The following HMBOX1 variants were observed in gnomAD, a reference collection of about 807,000 sequenced individuals.
HMBOX1 encodes the protein homeobox-containing protein 1.
A neutral mutation model predicts 54.5 loss-of-function variants in HMBOX1; 14 were observed. The ratio of observed to expected loss-of-function variants is 0.26; its 90% CI spans 0.17 to 0.40. The LOEUF is 0.40. HMBOX1 is among the 10% of genes least tolerant of loss of function. HMBOX1 has a pLI of 1.00. For missense variants in HMBOX1, 332 were observed against 514.4 expected, an observed-to-expected ratio of 0.65 and a Z score of 3.43; for synonymous variants, 160 against 181.0, an observed-to-expected ratio of 0.88 and a Z score of 0.93.
At chr8:29,047,601 CTT>C (rs1805780204) in intron 8 of HMBOX1, 148 bp downstream of exon 8, 6 of 499,650 alleles carry the variant, frequency 1.2e-5, no homozygotes, top group South Asian at 2.3e-5. Context: ...GAGTTTCACT[CTT>C]GTTGCCCAGG....
chr8:29,011,116 G>A (rs1834167391), intron 5 of HMBOX1, among the ~76,000 whole-genome samples: 1 of 152,188 alleles, frequency 6.6e-6, no homozygotes, highest in Admixed American at 6.5e-5. Context: ...AAATGGAATT[G>A]TATTTAGGGA....
rs540020822 is a variant in HMBOX1, at chr8:29,035,070, C to A, written c.852-10291C>A. 4.6e-5 allele frequency among the ~76,000 whole-genome samples: 7 copies of A among 152,218 alleles called. No homozygotes were observed. In the East Asian group the frequency reaches 1.4e-3, roughly 29 times the overall value. ...ATCAAGATAATCCCAGACCAGTGCA[C>A]CTCTGATTCTTAAAAGAATCTATGC... On this transcript the variant is annotated intron_variant, in intron 6 of 9. Transcript: ENST00000287701.
chr8:29,016,371 TA>T (rs1412543076), intron 5 of HMBOX1, among the ~76,000 whole-genome samples: 3 of 152,204 alleles, frequency 2.0e-5, no homozygotes, highest in Non-Finnish European at 4.4e-5. Context: ...GTGAAGTCTC[TA>T]TATTAAAGGG....
At chr8:28,929,581 G>A (rs556287166) in intron 1 of HMBOX1, among the ~76,000 whole-genome samples, 1 of 152,186 alleles carries the variant, frequency 6.6e-6, no homozygotes, top group Non-Finnish European at 1.5e-5. Flanking sequence ...CTTTTACAGT[G>A]TTCTTGGAGG....
At chr8:28,976,396 TTTGTTG>T (rs759293993) in intron 3 of HMBOX1, among the ~76,000 whole-genome samples, 1 of 152,076 alleles carries the variant, frequency 6.6e-6, no homozygotes, top group Non-Finnish European at 1.5e-5. Flanking sequence ...ATTGATGCTT[TTTGTTG>T]TTGTTGTTGT....
chr8:28,980,759 G>A (rs1422318810), intron 4 of HMBOX1, among the ~76,000 whole-genome samples: 1 of 152,036 alleles, frequency 6.6e-6, no homozygotes, highest in Non-Finnish European at 1.5e-5. Context: ...TTTGGGGGCA[G>A]ATGTCTTTTC....
chr8:28,982,966 C>T (rs1348114548), intron 4 of HMBOX1, among the ~76,000 whole-genome samples: 1 of 152,116 alleles, frequency 6.6e-6, no homozygotes, highest in East Asian at 1.9e-4. Context: ...CCATGTTGCT[C>T]AGGCTGGTCT....
intron 1 of HMBOX1, among the ~76,000 whole-genome samples, chr8:28,904,732 A>G (rs2131601535): frequency 6.6e-6 from 1 of 150,982 alleles, no homozygotes; most frequent in African/African-American, 2.4e-5. Flanking sequence ...GCTGGAGTGC[A>G]GTGGCACCAT....
intron 4 of HMBOX1, among the ~76,000 whole-genome samples, chr8:28,982,147 G>C (rs776000311): frequency 1.3e-5 from 2 of 152,200 alleles, no homozygotes; most frequent in Non-Finnish European, 2.9e-5. Context: ...GTGGGAGAAT[G>C]GCGTGAACCT....
At chr8:29,019,504 G>T (rs1445697164) in intron 6 of HMBOX1, among the ~76,000 whole-genome samples, 2 of 152,018 alleles carry the variant, frequency 1.3e-5, no homozygotes, top group Non-Finnish European at 2.9e-5. Flanking sequence ...GGCATACTTA[G>T]CATAGATCCT....
chr8:28,936,580 A>G (rs1327123224), intron 1 of HMBOX1, among the ~76,000 whole-genome samples: 5 of 152,090 alleles, frequency 3.3e-5, no homozygotes. Flanking sequence ...GTGGTTCCCA[A>G]GAACATATTA....
intron 4 of HMBOX1, among the ~76,000 whole-genome samples, chr8:28,981,960 G>A (rs1165436573): frequency 1.3e-5 from 2 of 151,938 alleles, no homozygotes; most frequent in South Asian, 2.1e-4. Context: ...AATACTGGCC[G>A]GGCGTGGTGG....
intron 6 of HMBOX1, among the ~76,000 whole-genome samples, chr8:29,038,999 T>TC (rs1224782795): frequency 2.0e-5 from 3 of 152,176 alleles, no homozygotes; most frequent in Non-Finnish European, 4.4e-5. Flanking sequence ...TGGTGTTGTT[T>TC]CCTCTGCCTG....
chr8:29,027,062 AAT>A (rs1247085086), intron 6 of HMBOX1, among the ~76,000 whole-genome samples: 1 of 152,212 alleles, frequency 6.6e-6, no homozygotes, highest in East Asian at 1.9e-4. Context: ...TAATGGATAA[AAT>A]ATATAATTGA....
intron 6 of HMBOX1, among the ~76,000 whole-genome samples, chr8:29,021,122 C>T (rs1164854684): frequency 1.3e-5 from 2 of 152,180 alleles, no homozygotes. Context: ...TTACAGTGAG[C>T]TATGATTGCA....
At chr8:29,050,238 C>T in intron 9 of HMBOX1, 3 of 984,468 alleles carry the variant, frequency 3.0e-6, no homozygotes, top group Non-Finnish European at 3.6e-6. Flanking sequence ...ATACGGAGTT[C>T]CCCTGAAGAT....
At chr8:28,960,753 CTTTTTCTTTTTCT>C (rs869150225) in intron 1 of HMBOX1, among the ~76,000 whole-genome samples, 11,357 of 65,412 alleles carry the variant, frequency 0.17, 1,849 homozygotes, top group East Asian at 0.24. Context: ...TTCTCTTTTT[CTTTTTCTTTTTCT>C]TTTTTTTTTT....
chr8:28,906,134 C>G (rs1353177448), intron 1 of HMBOX1, among the ~76,000 whole-genome samples: 1 of 152,208 alleles, frequency 6.6e-6, no homozygotes, highest in Non-Finnish European at 1.5e-5. Flanking sequence ...ATTGGGAAAT[C>G]TAACCTGAAT....
rs114879605 is a variant in HMBOX1, at chr8:28,987,496, A to G, written c.586+7340A>G. Among the ~76,000 whole-genome samples, 705 of 152,334 alleles carry G rather than the reference A, an allele frequency of 4.6e-3. 5 individuals carry two copies. Among genetic ancestry groups the G allele is most frequent in the African/African-American group, 0.016 (656 of 41,590 alleles). ...TTCAGCTGTAGTCTGTTAGTCTTAA[A>G]GCAATATCATAAATATCATAAATAA... On this transcript the variant is annotated intron_variant, in intron 4 of 9. Coordinates refer to ENST00000287701, the MANE Select transcript of HMBOX1 (RefSeq NM_001135726.3).
Sources: allele counts gnomAD v4.1 joint callset (sites outside exome capture counted in the v4.1 genomes callset), GRCh38; gene constraint gnomAD v4.1.1; transcripts MANE v1.5; gene names NCBI Gene and HGNC (gene_info 2026-07-23, HGNC 2026-07-21).